Variants in LDB2 observed in about 807,000 individuals in gnomAD.
LDB2 encodes LIM domain-binding protein 2.
Under a neutral mutation model 44.3 loss-of-function variants are expected in LDB2, and 12 were observed. The observed-to-expected ratio is 0.27, with a 90% CI of 0.17 to 0.44. The LOEUF is 0.44. Ranked by LOEUF, LDB2 falls within the 20% of genes least tolerant of loss-of-function variation. The pLI is 1.00. For synonymous variants in LDB2, 164 were observed against 174.8 expected (o/e 0.94, Z 0.49); for missense variants, 344 against 473.5 (o/e 0.73, Z 2.54).
intron 1 of LDB2, among the ~76,000 whole-genome samples, chr4:16,843,834 C>G (rs1244326917): frequency 6.6e-6 from 1 of 152,030 alleles, no homozygotes; most frequent in Non-Finnish European, 1.5e-5. Flanking sequence ...TGTTGGCCAG[C>G]CTCGAACTCC....
chr4:16,764,542 C>T (rs964065215), intron 1 of LDB2, among the ~76,000 whole-genome samples: 1 of 150,014 alleles, frequency 6.7e-6, no homozygotes, highest in Non-Finnish European at 1.5e-5. Context: ...AAAAAAAAAT[C>T]ATTCCCTCCA....
chr4:16,586,487 T>TACACAA lies in LDB2; in HGVS notation c.532-483_532-482insTTGTGT, dbSNP rs1371235721. Among the ~76,000 whole-genome samples the TACACAA allele has an allele frequency of 5.4e-5, 7 of 128,840 alleles. No homozygotes were observed. In the Admixed American group the frequency reaches 5.5e-4, roughly 10 times the overall value. The allele number at this position is 128,840 out of a possible 152,430, so 84.5% of individuals were successfully genotyped here. On this transcript the variant is annotated intron_variant, in intron 4 of 7. Transcript: ENST00000304523. Reference sequence around the variant, plus strand: ...GGAAAACTTTGCCACTGTCTTGAAATACACACACACACACACACACACACA... The same window carrying TACACAA: ...GGAAAACTTTGCCACTGTCTTGAAATACACAAACACACACACACACACACACACACA...
At chr4:16,676,539 C>G (rs1358870142) in intron 2 of LDB2, among the ~76,000 whole-genome samples, 1 of 152,200 alleles carries the variant, frequency 6.6e-6, no homozygotes, top group Non-Finnish European at 1.5e-5. Flanking sequence ...GGGAATTACA[C>G]AGAAGAGGAA....
At chr4:16,871,583 G>T (rs1215917680) in intron 1 of LDB2, among the ~76,000 whole-genome samples, 1 of 150,164 alleles carries the variant, frequency 6.7e-6, no homozygotes, top group Non-Finnish European at 1.5e-5. Flanking sequence ...TAATGTAAAA[G>T]AAAATATCAG....
chr4:16,580,298 AATTG>A (rs1222530417), intron 5 of LDB2, among the ~76,000 whole-genome samples: 1 of 152,198 alleles, frequency 6.6e-6, no homozygotes, highest in African/African-American at 2.4e-5. Context: ...GAAGCAGAGC[AATTG>A]ATTAATACAC....
At chr4:16,817,184 T>C (rs1347585553) in intron 1 of LDB2, among the ~76,000 whole-genome samples, 5 of 152,228 alleles carry the variant, frequency 3.3e-5, no homozygotes, top group Admixed American at 3.3e-4. Flanking sequence ...GATGTATCAA[T>C]GGCTCTAATT....
chr4:16,571,155 T>A (rs1358020459), intron 5 of LDB2, among the ~76,000 whole-genome samples: 1 of 152,240 alleles, frequency 6.6e-6, no homozygotes, highest in Non-Finnish European at 1.5e-5. Flanking sequence ...ATTTTGGATT[T>A]CATTTGGAGT....
At chr4:16,643,194 G>T (rs906693001) in intron 2 of LDB2, among the ~76,000 whole-genome samples, 3 of 145,274 alleles carry the variant, frequency 2.1e-5, no homozygotes, top group East Asian at 2.0e-4. Context: ...GGGATGGGGT[G>T]GGGGGGGCAC....
intron 1 of LDB2, among the ~76,000 whole-genome samples, chr4:16,761,905 G>T (rs1579421404): frequency 1.3e-5 from 2 of 152,260 alleles, no homozygotes; most frequent in Middle Eastern, 6.8e-3. Context: ...CACTTTGGGA[G>T]GCCTAGGTGG....
intron 1 of LDB2, among the ~76,000 whole-genome samples, chr4:16,858,460 G>GT (rs1789822969): frequency 6.6e-6 from 1 of 152,238 alleles, no homozygotes; most frequent in Non-Finnish European, 1.5e-5. Flanking sequence ...GTGACTAAGA[G>GT]GGACCGTTCA....
At chr4:16,721,377 C>T (rs1758249823) in intron 2 of LDB2, among the ~76,000 whole-genome samples, 1 of 152,124 alleles carries the variant, frequency 6.6e-6, no homozygotes, top group Admixed American at 6.6e-5. Context: ...TGTGTCCCCA[C>T]CTTTCTATGA....
chr4:16,863,542 A>G (rs1046588155), intron 1 of LDB2, among the ~76,000 whole-genome samples: 4 of 151,852 alleles, frequency 2.6e-5, no homozygotes, highest in Non-Finnish European at 5.9e-5. Context: ...ACATTTCCCA[A>G]CCCCTCTGCA....
intron 5 of LDB2, among the ~76,000 whole-genome samples, chr4:16,514,486 C>T (rs1239596754): frequency 6.6e-6 from 1 of 152,212 alleles, no homozygotes; most frequent in Non-Finnish European, 1.5e-5. Flanking sequence ...CTCACTTCCA[C>T]CAACTGTCTC....
At chr4:16,707,139 T>TA (rs892956170) in intron 2 of LDB2, among the ~76,000 whole-genome samples, 9 of 151,968 alleles carry the variant, frequency 5.9e-5, no homozygotes, top group Admixed American at 1.3e-4. Context: ...ATGAAAGCCT[T>TA]AAAAAAAATT....
intron 5 of LDB2, among the ~76,000 whole-genome samples, chr4:16,537,163 A>G (rs1290257291): frequency 6.6e-6 from 1 of 152,204 alleles, no homozygotes; most frequent in African/African-American, 2.4e-5. Flanking sequence ...TGCAAGAACT[A>G]AGGCTCTTAG....
chr4:16,888,780 A>G, intron 1 of LDB2: 1 of 875,268 alleles, frequency 1.1e-6, no homozygotes, highest in African/African-American at 1.8e-5. Flanking sequence ...CAGGCATTAT[A>G]CATGCATTTA....
chr4:16,614,897 C>T (rs1240020881), intron 2 of LDB2, among the ~76,000 whole-genome samples: 4 of 149,934 alleles, frequency 2.7e-5, no homozygotes, highest in Non-Finnish European at 4.4e-5. Flanking sequence ...GGTGAAACCC[C>T]GTCTCTACTA....
At chr4:16,557,032 T>C (rs1189441057) in intron 5 of LDB2, among the ~76,000 whole-genome samples, 2 of 152,206 alleles carry the variant, frequency 1.3e-5, no homozygotes, top group Non-Finnish European at 2.9e-5. Flanking sequence ...GTGGCCATAC[T>C]TTCCTTCCAT....
chr4:16,564,416 T>C (rs1743733860), intron 5 of LDB2, among the ~76,000 whole-genome samples: 1 of 152,140 alleles, frequency 6.6e-6, no homozygotes, highest in African/African-American at 2.4e-5. Flanking sequence ...CCTCCTTCCA[T>C]TTAACCACCC....
Sources: allele counts gnomAD v4.1 joint callset (sites outside exome capture counted in the v4.1 genomes callset), GRCh38; gene constraint gnomAD v4.1.1; transcripts MANE v1.5; gene names NCBI Gene and HGNC (gene_info 2026-07-23, HGNC 2026-07-21).